Variants in SYT2 observed in about 807,000 individuals in gnomAD.
SYT2 encodes the protein synaptotagmin-2.
Under a neutral mutation model 39.9 loss-of-function variants are expected in SYT2, and 15 were observed. That is an observed-to-expected ratio of 0.38 (90% CI 0.25 to 0.58). SYT2 has a LOEUF of 0.58. Among genes scored for constraint, SYT2 ranks in the 20% least tolerant of loss-of-function variants. The pLI is 0.70. For synonymous variants in SYT2, 181 were observed against 204.5 expected, an observed-to-expected ratio of 0.89 and a Z score of 0.98; for missense variants, 389 against 530.3, an observed-to-expected ratio of 0.73 and a Z score of 2.62.
chr1:202,644,872 CG>C (rs1692045665), intron 1 of SYT2, among the ~76,000 whole-genome samples: 2 of 152,064 alleles, frequency 1.3e-5, no homozygotes, highest in Non-Finnish European at 2.9e-5. Flanking sequence ...ACCTCACTCC[CG>C]AAGAAGCCGG....
intron 1 of SYT2, among the ~76,000 whole-genome samples, chr1:202,608,277 G>C (rs1690772745): frequency 7.7e-6 from 1 of 129,456 alleles, no homozygotes; most frequent in Non-Finnish European, 1.6e-5. Flanking sequence ...TGTGTAGATA[G>C]AAAACATTTT....
intron 8 of SYT2, among the ~76,000 whole-genome samples, 180 bp from the exon 9 acceptor site, chr1:202,597,143 C>A (rs1192974818): frequency 6.6e-6 from 1 of 152,070 alleles, no homozygotes; most frequent in East Asian, 1.9e-4. Context: ...ACGCCTTTGG[C>A]AGCCTTTGTT....
intron 1 of SYT2, among the ~76,000 whole-genome samples, chr1:202,664,333 G>GC (rs1399777013): frequency 6.6e-6 from 1 of 152,080 alleles, no homozygotes; most frequent in Non-Finnish European, 1.5e-5. Context: ...CAGCAACAAG[G>GC]CCCCAGTCTC....
At chr1:202,705,314 C>T (rs1010341749) in intron 1 of SYT2, among the ~76,000 whole-genome samples, 89 of 152,262 alleles carry the variant, frequency 5.8e-4, no homozygotes, top group African/African-American at 2.1e-3. Flanking sequence ...AGAGCTTGAC[C>T]GCCCTTGTGA....
chr1:202,666,021 C>T (rs926241236), intron 1 of SYT2, among the ~76,000 whole-genome samples: 36 of 150,726 alleles, frequency 2.4e-4, no homozygotes, highest in Middle Eastern at 3.4e-3. Flanking sequence ...GGCGTGGTGG[C>T]GGGCGCCTGT....
chr1:202,599,163 A>G lies in SYT2; in HGVS notation c.1053+55T>C. 6.2e-7 allele frequency: 1 copy of G among 1,601,356 alleles called. No individual in the cohort carries two copies. Among genetic ancestry groups the G allele is most frequent in the Non-Finnish European group, 8.5e-7 (1 of 1,176,036 alleles). On this transcript the variant is annotated intron_variant, in intron 8 of 8. Coordinates refer to ENST00000367268, the MANE Select transcript of SYT2 (RefSeq NM_177402.5). The surrounding 1 kb of genome is among the most constrained non-coding windows in gnomAD (Gnocchi z 4.4). The stretch of plus-strand genomic sequence containing the variant: ...AGTTCCCTCTCTTCAACCTCCCCAT[A>G]CATGTTTGCCTCCCCAAACCCTGCT...
chr1:202,680,618 G>A (rs1041058675), intron 1 of SYT2, among the ~76,000 whole-genome samples: 1 of 152,176 alleles, frequency 6.6e-6, no homozygotes, highest in Non-Finnish European at 1.5e-5. Context: ...TGCCCAAGGG[G>A]AGAAAGAGAG....
At chr1:202,660,896 C>T (rs1692363836) in intron 1 of SYT2, among the ~76,000 whole-genome samples, 1 of 152,162 alleles carries the variant, frequency 6.6e-6, no homozygotes, top group African/African-American at 2.4e-5. Flanking sequence ...TTGCAAGCTT[C>T]GTCTCCCCCA....
At chr1:202,661,999 A>G (rs4950785) in intron 1 of SYT2, among the ~76,000 whole-genome samples, 75,224 of 152,036 alleles carry the variant, frequency 0.49, 19,273 homozygotes, top group East Asian at 0.79. Context: ...CAAGAGGCCC[A>G]CCCTCCAATG....
chr1:202,662,204 C>A (rs1347124422), intron 1 of SYT2, among the ~76,000 whole-genome samples: 1 of 152,176 alleles, frequency 6.6e-6, no homozygotes. Context: ...TGGGCAAAGA[C>A]CAGGAAGCGG....
intron 1 of SYT2, among the ~76,000 whole-genome samples, chr1:202,691,930 C>G (rs185102619): frequency 1.3e-5 from 2 of 152,176 alleles, no homozygotes; most frequent in East Asian, 3.9e-4. Flanking sequence ...TACAGGCATA[C>G]AAGGACACAG....
intron 1 of SYT2, chr1:202,632,382 C>T (rs181308780): frequency 5.0e-6 from 1 of 201,838 alleles, no homozygotes; most frequent in East Asian, 1.8e-4. Flanking sequence ...GTGAGACACG[C>T]AGATATTGGG....
chr1:202,697,681 GAC>G (rs1216091318), intron 1 of SYT2, among the ~76,000 whole-genome samples: 2 of 152,182 alleles, frequency 1.3e-5, no homozygotes, highest in Admixed American at 6.5e-5. Context: ...CCTCACCACT[GAC>G]ACACACAGAC....
At chr1:202,636,709 TC>T (rs1215551619) in intron 1 of SYT2, among the ~76,000 whole-genome samples, 1 of 152,170 alleles carries the variant, frequency 6.6e-6, no homozygotes, top group African/African-American at 2.4e-5. Context: ...ATAATAACAC[TC>T]TTTATATTAC....
intron 1 of SYT2, among the ~76,000 whole-genome samples, chr1:202,700,065 G>A (rs1654073910): frequency 1.3e-5 from 2 of 152,094 alleles, no homozygotes; most frequent in Non-Finnish European, 2.9e-5. Context: ...TCTGGTGAAG[G>A]TAGGGGTTGG....
At chr1:202,654,642 C>T (rs558549531) in intron 1 of SYT2, among the ~76,000 whole-genome samples, 61 of 152,290 alleles carry the variant, frequency 4.0e-4, no homozygotes, top group African/African-American at 1.3e-3. Context: ...TGACCCCTGC[C>T]CCCGCCCAAC....
chr1:202,625,101 TGTGTG>T (rs1691345720), intron 1 of SYT2, among the ~76,000 whole-genome samples: 3 of 4,758 alleles, frequency 6.3e-4, no homozygotes, highest in African/African-American at 8.1e-4. Flanking sequence ...GTGTGGTATG[TGTGTG>T]GTGTGTGTGG....
chr1:202,598,747 A>G (rs897162889), intron 8 of SYT2, among the ~76,000 whole-genome samples: 1 of 152,216 alleles, frequency 6.6e-6, no homozygotes, highest in African/African-American at 2.4e-5. Flanking sequence ...AGAAGGAAGG[A>G]AAAATAGAGA....
At chr1:202,602,619 C>G in intron 4 of SYT2, 74 bp from the exon 5 acceptor site, 1 of 1,464,216 alleles carries the variant, frequency 6.8e-7, no homozygotes, top group Non-Finnish European at 9.2e-7. Context: ...CCAGACCCAG[C>G]ACCCACCAAT....
Sources: gnomAD v4.1 joint callset for allele counts (sites outside exome capture counted in the v4.1 genomes callset) on GRCh38, gnomAD v4.1.1 for gene constraint, Gnocchi (gnomAD v3.1) non-coding constraint, MANE v1.5 for transcripts, NCBI Gene and HGNC (gene_info 2026-07-23, HGNC 2026-07-21) for gene names.